Variants in TNNT3 observed in about 807,000 individuals in gnomAD.
TNNT3 encodes troponin T3, fast skeletal type, also known as troponin T, fast skeletal muscle.
Under a neutral mutation model 54.2 loss-of-function variants are expected in TNNT3, and 36 were observed. That is an observed-to-expected ratio of 0.66 (90% CI 0.51 to 0.88). TNNT3 has a LOEUF of 0.88. TNNT3 is among the 40% of genes least tolerant of loss of function. The pLI is 0.00. For missense variants in TNNT3, 291 were observed against 331.6 expected (o/e 0.88, Z 0.95); for synonymous variants, 120 against 109.7 (o/e 1.09, Z -0.59).
At chr11:1,924,793 G>C (rs1174453795) in intron 4 of TNNT3, 2 of 576,912 alleles carry the variant, frequency 3.5e-6, no homozygotes, top group African/African-American at 3.7e-5. Flanking sequence ...CCGTGCACAG[G>C]CGCCTCCAGG....
intron 6 of TNNT3, among the ~76,000 whole-genome samples, chr11:1,927,194 G>A (rs1452286922): frequency 6.6e-6 from 1 of 152,216 alleles, no homozygotes; most frequent in African/African-American, 2.4e-5. Flanking sequence ...AGAAAAGCAG[G>A]CTGAGGCCCA....
chr11:1,923,205 C>T (rs947836785), intron 3 of TNNT3, 144 bp downstream of exon 3: 19 of 1,185,462 alleles, frequency 1.6e-5, no homozygotes, highest in Middle Eastern at 2.3e-4. Flanking sequence ...GAGTGACCCC[C>T]GGAAAACAGC....
At chr11:1,924,587 G>T (rs577930720) in intron 4 of TNNT3, among the ~76,000 whole-genome samples, 45 of 152,350 alleles carry the variant, frequency 3.0e-4, no homozygotes, top group African/African-American at 7.0e-4. Context: ...GCACTGGGGA[G>T]CCATCTTTTC....
Position 1,934,885 on chromosome 11 carries a change from A to T in TNNT3, c.647A>T (p.Glu216Val). The change falls in exon 14 of 16, where the codon GAG (glutamate) becomes GTG (valine). Residue 216 changes from glutamate to valine, a missense_variant. Glu to Val is a moderately radical substitution (Grantham distance 121). Coordinates refer to ENST00000278317, the MANE Select transcript of TNNT3 (RefSeq NM_006757.4). ...TLHQLEIDKF[E>V]FGEKLKRQKY... ...CACCAGCTGGAGATTGACAAGTTCG[A>T]GTTTGGGGAGAAGCTGAAACGCCAG... is the stretch of plus-strand genomic sequence containing the variant. The T allele has an allele frequency of 6.2e-7, 1 of 1,613,622 alleles. No individual in the cohort carries two copies. Among genetic ancestry groups the T allele is most frequent in the Non-Finnish European group, 8.5e-7 (1 of 1,180,024 alleles).
Position 1,933,702 on chromosome 11 carries a change from C to T in TNNT3, c.172-19C>T, listed in dbSNP as rs1371495567. 1 of 1,596,248 alleles carries T rather than the reference C, an allele frequency of 6.3e-7. No individual in the cohort carries two copies. Among genetic ancestry groups the T allele is most frequent in the Admixed American group, 1.7e-5 (1 of 59,994 alleles). ...TTGGAGAGAGGGGTGGGGCTCACAC[C>T]CACTGCCCCTGCCCACAGGACATCC... On this transcript the variant is annotated intron_variant, in intron 9 of 15. Coordinates refer to ENST00000278317, the MANE Select transcript of TNNT3 (RefSeq NM_006757.4).
At chr11:1,936,165 C>T (rs375051352) in intron 14 of TNNT3, 75 of 1,611,144 alleles carry the variant, frequency 4.7e-5, no homozygotes, top group East Asian at 1.1e-4. Flanking sequence ...AGCCGGGCCT[C>T]GATGCCCCAG....
intron 15 of TNNT3, among the ~76,000 whole-genome samples, chr11:1,937,449 G>T (rs548817551): frequency 8.8e-4 from 134 of 152,300 alleles, no homozygotes; most frequent in African/African-American, 3.1e-3. Context: ...CCTCTGTGAC[G>T]CTGGGCAAAA....
chr11:1,926,526 G>T (rs370361169), intron 5 of TNNT3, 169 bp from the exon 6 acceptor site: 6 of 1,612,420 alleles, frequency 3.7e-6, no homozygotes, highest in Middle Eastern at 1.6e-4. Context: ...GTGGCCATGT[G>T]GGGGGTGCAG....
chr11:1,923,480 G>A (rs573570826), intron 3 of TNNT3, 75 bp from the exon 4 acceptor site: 16 of 1,514,974 alleles, frequency 1.1e-5, no homozygotes, highest in Admixed American at 1.7e-5. Context: ...GGACACACTG[G>A]CCTCTCATCC....
At position 1,923,598 on chromosome 11, in the gene TNNT3, C is replaced by A. The variant is rs368864786; in HGVS notation, c.49+26C>A. On this transcript the variant is annotated intron_variant, in intron 4 of 15. Coordinates refer to ENST00000278317, the MANE Select transcript of TNNT3 (RefSeq NM_006757.4). ...GTAATTCTGGCAACCACCGGAAGCC[C>A]CCCCAGCCCCTCCTTGGAACTTAAC... 23 of 1,426,366 alleles carry A rather than the reference C, an allele frequency of 1.6e-5. No individual in the cohort carries two copies. In the East Asian group the frequency reaches 4.0e-4, roughly 25 times the overall value. The allele number at this position is 1,426,366 out of a possible 1,614,324, so 88.4% of individuals were successfully genotyped here.
intron 7 of TNNT3, among the ~76,000 whole-genome samples, chr11:1,929,526 G>A (rs1025561320): frequency 7.9e-5 from 12 of 152,152 alleles, no homozygotes; most frequent in Admixed American, 4.6e-4. Context: ...CTTCAAGGAC[G>A]CGGCCTGTCT....
Position 1,926,101 on chromosome 11 carries a change from G to A in TNNT3, c.68-594G>A, listed in dbSNP as rs376840179. 4.6e-5 allele frequency among the ~76,000 whole-genome samples: 7 copies of A among 152,270 alleles called. No individual in the cohort carries two copies. The East Asian group carries it at 7.7e-4, about 17-fold the overall frequency. On this transcript the variant is annotated intron_variant, in intron 5 of 15. Transcript: ENST00000278317. ...CCTCGCACGTGGGCCTTGGTGCCCC[G>A]GCCAGAGGCGCGGACACCCTTCTGG...
At chr11:1,933,643 C>G (rs952150336) in intron 9 of TNNT3, 78 bp from the exon 10 acceptor site, 1 of 1,138,758 alleles carries the variant, frequency 8.8e-7, no homozygotes, top group Non-Finnish European at 1.3e-6. Context: ...AGGAAGGGAC[C>G]TCTTGCTGCA....
chr11:1,934,026 A>G lies in TNNT3; in HGVS notation c.366+18A>G. The G allele has an allele frequency of 6.2e-7, 1 of 1,608,516 alleles. No homozygotes were observed. The highest frequency in any genetic ancestry group is 8.5e-7 in the Non-Finnish European group (1 of 1,177,462). ...GACTGGCGGTGAGGGCACCATCCGC[A>G]CTGCTGCCTCATCAGAGAATGAGCC... On this transcript the variant is annotated intron_variant, in intron 11 of 15. Transcript: ENST00000278317.
At position 1,926,492 on chromosome 11, in the gene TNNT3, G is replaced by A. The variant is rs545514719; in HGVS notation, c.68-203G>A. 1.9e-4 allele frequency: 313 copies of A among 1,613,224 alleles called. 4 individuals are homozygous for A. In the South Asian group the frequency reaches 3.2e-3, roughly 17 times the overall value. On this transcript the variant is annotated intron_variant, in intron 5 of 15. Transcript: ENST00000278317. ...AAGTTCATGAACCAGGTACGTGCAT[G>A]ACTTCGATGCCACATGGGCACGTGT...
chr11:1,924,374 C>T (rs528892610), intron 4 of TNNT3, among the ~76,000 whole-genome samples: 2 of 152,328 alleles, frequency 1.3e-5, no homozygotes, highest in East Asian at 1.9e-4. Context: ...CTCAGGCCGA[C>T]GGCGCTGCCC....
In TNNT3 at chr11:1,931,517, AC is replaced by A. The variant is rs1853346917; in HGVS notation, c.126-951del. ...CATGATTCTTTGGCTTTGCGCCCTA[AC>A]AGTCACTCGGGGCCAGCGTTTCCCT... On this transcript the variant is annotated intron_variant, in intron 8 of 15. Coordinates refer to ENST00000278317, the MANE Select transcript of TNNT3 (RefSeq NM_006757.4). Among the ~76,000 whole-genome samples, 5 of 151,922 alleles carry A rather than the reference AC, an allele frequency of 3.3e-5. No homozygotes were observed. In the South Asian group the frequency reaches 1.1e-3, roughly 32 times the overall value.
At position 1,934,559 on chromosome 11, in the gene TNNT3, G is replaced by A; in HGVS notation, c.494G>A (p.Arg165Lys). The A allele has an allele frequency of 6.2e-7, 1 of 1,609,760 alleles. No homozygotes were observed. Among genetic ancestry groups the A allele is most frequent in the Non-Finnish European group, 8.5e-7 (1 of 1,178,424 alleles). ...SSYLAKADQK[R>K]GKKQTAREMK... ...TGTCCGCTGCAGGCTGACCAGAAGA[G>A]AGGCAAGAAGCAGACAGCCCGGGAA... The change falls in exon 13 of 16, where the codon AGA (arginine) becomes AAA (lysine). Residue 165 changes from arginine to lysine, a missense_variant. Physicochemically the swap from Arg to Lys is conservative, Grantham distance 26. Coordinates refer to ENST00000278317, the MANE Select transcript of TNNT3 (RefSeq NM_006757.4).
chr11:1,920,004 G>A (rs1015412044), intron 1 of TNNT3, among the ~76,000 whole-genome samples: 1 of 152,242 alleles, frequency 6.6e-6, no homozygotes, highest in Non-Finnish European at 1.5e-5. Context: ...GGATGCAGAA[G>A]AAGGCAGAGT....
Sources: allele counts gnomAD v4.1 joint callset (sites outside exome capture counted in the v4.1 genomes callset), GRCh38; gene constraint gnomAD v4.1.1; transcripts MANE v1.5; gene names NCBI Gene and HGNC (gene_info 2026-07-23, HGNC 2026-07-21).